Variants in PKD1 observed in about 807,000 individuals in gnomAD.
The protein encoded by PKD1 is polycystin 1, transient receptor potential channel interacting.
A neutral mutation model predicts 361.7 loss-of-function variants in PKD1; 81 were observed. The observed-to-expected ratio is 0.22, with a 90% confidence interval of 0.19 to 0.27. PKD1 has a LOEUF of 0.27. Ranked by LOEUF, PKD1 falls within the 10% of genes least tolerant of loss-of-function variation. PKD1 has a pLI of 1.00. For missense variants in PKD1, 6,399 were observed against 6,118.3 expected (o/e 1.05, Z -1.53); for synonymous variants, 3,615 against 2,818.3 (o/e 1.28, Z -8.95).
rs371089599 is a variant in PKD1, at chr16:2,097,130, C to T, written c.10499+18G>A. Reference sequence around the variant, plus strand: ...CCTCCTCTGGCAATCCCCCCTCCCCCGAGAGCCGGACACTCACAGGCTGCT... The same window carrying T: ...CCTCCTCTGGCAATCCCCCCTCCCCTGAGAGCCGGACACTCACAGGCTGCT... On this transcript the variant is annotated intron_variant, in intron 34 of 45. Coordinates refer to ENST00000262304, the MANE Select transcript of PKD1 (RefSeq NM_001009944.3). The T allele has an allele frequency of 5.3e-5, 81 of 1,542,216 alleles. 1 individual carries two copies. The African/African-American group carries it at 7.5e-4, about 14-fold the overall frequency.
Position 2,097,362 on chromosome 16 carries a change from G to C in PKD1, c.10362C>G (p.Ser3454=), listed in dbSNP as rs1182148778. The C allele has an allele frequency of 6.2e-7, 1 of 1,612,200 alleles. No homozygotes were observed. The highest frequency in any genetic ancestry group is 8.5e-7 in the Non-Finnish European group (1 of 1,179,958). ...TGGCAGGCGAGTAGGGGCTGGCCAG[G>C]GAGAAGCCGTCCTCCTCTGGGCCCA... ...HGLGPEEDGF[S]LASPYSPAKS... Residue 3454 remains serine (S), a synonymous_variant, in exon 33 of 46, where the codon TCC becomes TCG. Transcript: ENST00000262304.
rs748442072 is a variant in PKD1, at chr16:2,100,172, C to T, written c.9706G>A (p.Ala3236Thr). The change falls in exon 28 of 46, where the codon GCC (alanine) becomes ACC (threonine). Residue 3236 changes from alanine (A) to threonine (T), a missense_variant. Ala to Thr is a moderately conservative substitution (Grantham distance 58, BLOSUM62 0). Coordinates refer to ENST00000262304, the MANE Select transcript of PKD1 (RefSeq NM_001009944.3). This position sits in a 1 kb window ranked among gnomAD's most constrained non-coding sequence, Gnocchi z 4.4. ...NGGLVEKEVLAASDAALLRFR... is the reference protein window; with the variant it reads ...NGGLVEKEVLTASDAALLRFR... ...ACATGGAACGAGGCCTTACTCGCGG[C>T]CAGCACCTCCTTCTCCACCAGGCCC... is the stretch of plus-strand genomic sequence containing the variant. 1 of 1,608,788 alleles carries T rather than the reference C, an allele frequency of 6.2e-7. No homozygotes were observed. Among genetic ancestry groups the T allele is most frequent in the Non-Finnish European group, 8.5e-7 (1 of 1,178,218 alleles).
At chr16:2,126,788 A>G (rs574925663) in intron 1 of PKD1, among the ~76,000 whole-genome samples, 1 of 152,266 alleles carries the variant, frequency 6.6e-6, no homozygotes, top group Non-Finnish European at 1.5e-5. Flanking sequence ...CTTGCTGGAA[A>G]GCAGATCCCA....
Position 2,094,012 on chromosome 16 carries a change from T to C in PKD1, c.10620A>G (p.Gly3540=). The part of the protein sequence containing the change: ...QPQAARLSRT[G]LVEGLRKRLL... ...GGCGCTTCCGCAGACCCTCCACCAG[T>C]CCTGGGGAAGCAGAGACAGACCTGT... Residue 3540 remains glycine, a splice_region_variant and synonymous_variant, in exon 36 of 46, where the codon GGA becomes GGG. Coordinates refer to ENST00000262304, the MANE Select transcript of PKD1 (RefSeq NM_001009944.3). The C allele has an allele frequency of 1.3e-6, 2 of 1,590,384 alleles. No homozygotes were observed. Among genetic ancestry groups the C allele is most frequent in the South Asian group, 1.1e-5 (1 of 88,192 alleles).
rs1315416272 is a variant in PKD1, at chr16:2,102,103, T to C, written c.9355A>G (p.Lys3119Glu). 6.4e-7 allele frequency: 1 copy of C among 1,568,656 alleles called. No individual in the cohort carries two copies. The highest frequency in any genetic ancestry group is 8.7e-7 in the Non-Finnish European group (1 of 1,151,230). Reference protein sequence around the residue: ...IPFCGQRGRFKYEILVKTGWG... With the variant: ...IPFCGQRGRFEYEILVKTGWG... ...CCTGTCTTGACGAGGATCTCGTACT[T>C]GAAGCGGCCCCGCTGCCCACAGAAA... The change falls in exon 26 of 46, where the codon AAG becomes GAG. Residue 3119 changes from lysine (K) to glutamate (E), a missense_variant. Coordinates refer to ENST00000262304, the MANE Select transcript of PKD1 (RefSeq NM_001009944.3).
At position 2,108,786 on chromosome 16, in the gene PKD1, G is replaced by A. The variant is rs1159978503; in HGVS notation, c.6381C>T (p.Ser2127=). 1 of 1,570,854 alleles carries A rather than the reference G, an allele frequency of 6.4e-7. No individual in the cohort carries two copies. The highest frequency in any genetic ancestry group is 1.2e-5 in the South Asian group (1 of 86,192). The change falls in exon 15 of 46, where the codon TCC becomes TCT. Residue 2127 remains serine (S), a synonymous_variant. Coordinates refer to ENST00000262304, the MANE Select transcript of PKD1 (RefSeq NM_001009944.3). The part of the protein sequence containing the change: ...PGDYRVQVNA[S]NLVSFFVAQA... ...GCGCCACGAAGAAGCTCACCAGGTTGGAGGCGTTCACCTGCACGCGGTAGT... is the reference window on the plus strand; with the variant it reads ...GCGCCACGAAGAAGCTCACCAGGTTAGAGGCGTTCACCTGCACGCGGTAGT...
chr16:2,126,618 C>T (rs550557270), intron 1 of PKD1, among the ~76,000 whole-genome samples: 31 of 152,402 alleles, frequency 2.0e-4, no homozygotes, highest in East Asian at 1.2e-3. Context: ...TGCCCGCAGA[C>T]GTGCCCGGCC....
rs2092269624 is a variant in PKD1 at position 2,104,772 on chromosome 16, C to G, written c.8017-130G>C. On this transcript the variant is annotated intron_variant, in intron 21 of 45. Coordinates refer to ENST00000262304, the MANE Select transcript of PKD1 (RefSeq NM_001009944.3). ...CTGGAGAGCCCACTTGACTGGACCC[C>G]CACAGCCTCCTCACTAAGCATTTTC... The G allele has an allele frequency of 1.3e-5, 10 of 784,610 alleles. No homozygotes were observed. The South Asian group carries it at 1.5e-4, about 12-fold the overall frequency. 48.6% of individuals were successfully genotyped at this position (784,610 alleles called of 1,614,324 possible). A position where few individuals can be genotyped will look rare whatever the true frequency, so the allele number is the denominator to read the frequency against.
rs573403545 is a variant in PKD1, at chr16:2,131,946, C to T, written c.215+3529G>A. On this transcript the variant is annotated intron_variant, in intron 1 of 45. Coordinates refer to ENST00000262304, the MANE Select transcript of PKD1 (RefSeq NM_001009944.3). ...AGTCCTACTGCTTTGCTTGACCAGCCTTAAAGACACACATATATTTTTGTC... is the reference window on the plus strand; with the variant it reads ...AGTCCTACTGCTTTGCTTGACCAGCTTTAAAGACACACATATATTTTTGTC... The T allele has an allele frequency of 2.0e-5, 3 of 152,210 alleles. No individual in the cohort carries two copies. In the East Asian group the frequency reaches 5.8e-4, roughly 30 times the overall value. The allele number at this position is 152,210 out of a possible 1,614,324, so 9.4% of individuals were successfully genotyped here.
In PKD1 at chr16:2,097,313, G is replaced by C; in HGVS notation, c.10405+6C>G. The C allele has an allele frequency of 6.2e-7, 1 of 1,612,706 alleles. No individual in the cohort carries two copies. ...TTCAGAGCCCCCTCCTCTCACCCCA[G>C]CTCACCTGATGCTGAGAAGGATTTG... On this transcript the variant is annotated splice_donor_region_variant and intron_variant, in intron 33 of 45. Coordinates refer to ENST00000262304, the MANE Select transcript of PKD1 (RefSeq NM_001009944.3).
Position 2,105,876 on chromosome 16 carries a change from C to A in PKD1, c.7852G>T (p.Val2618Leu). ...CAGGCTGCACTCACCTCGTTCAGCACGGTGACCAGGGCCAACGAGTACTCG... is the reference window on the plus strand; with the variant it reads ...CAGGCTGCACTCACCTCGTTCAGCAAGGTGACCAGGGCCAACGAGTACTCG... ...VIEYSLALVT[V>L]LNEYERALDV... Residue 2618 changes from valine to leucine, a missense_variant, in exon 20 of 46, where the codon GTG becomes TTG. Coordinates refer to ENST00000262304, the MANE Select transcript of PKD1 (RefSeq NM_001009944.3). The A allele has an allele frequency of 6.3e-7, 1 of 1,596,122 alleles. No individual in the cohort carries two copies. Among genetic ancestry groups the A allele is most frequent in the Non-Finnish European group, 8.5e-7 (1 of 1,179,596 alleles).
rs115538130 is a variant in PKD1 at position 2,090,179 on chromosome 16, G to T, written c.12460C>A (p.Arg4154Ser). The change falls in exon 46 of 46, where the codon CGC (arginine) becomes AGC (serine). Residue 4154 changes from arginine (R) to serine (S), a missense_variant. By Grantham distance (110) the Arg-to-Ser change is moderately radical. Coordinates refer to ENST00000262304, the MANE Select transcript of PKD1 (RefSeq NM_001009944.3). ...SKVKEFRHKV[R>S]FEGMEPLPSR... Reference sequence around the variant, plus strand: ...GGCAGCGGCTCCATCCCTTCAAAGCGGACTTTGTGGCGGAACTGGGGGCGG... The same window carrying T: ...GGCAGCGGCTCCATCCCTTCAAAGCTGACTTTGTGGCGGAACTGGGGGCGG... 4 of 1,602,748 alleles carry T rather than the reference G, an allele frequency of 2.5e-6. No homozygotes were observed. The highest frequency in any genetic ancestry group is 1.1e-5 in the South Asian group (1 of 90,182).
At chr16:2,094,841 C>A (rs1025982832) in intron 34 of PKD1, 1 of 153,790 alleles carries the variant, frequency 6.5e-6, no homozygotes, top group Non-Finnish European at 1.4e-5. Flanking sequence ...GAGGACGAGA[C>A]CAACTGCGAG....
intron 21 of PKD1, among the ~76,000 whole-genome samples, chr16:2,105,096 C>G (rs559902216): frequency 8.7e-4 from 119 of 136,424 alleles, no homozygotes; most frequent in African/African-American, 1.3e-3. Flanking sequence ...CTCCCCACAT[C>G]TGGGCCCCTC....
Position 2,118,026 on chromosome 16 carries a change from C to A in PKD1, c.966G>T (p.Ser322=). ...AGCGCCCAGGCAGCACATAGCGATG[C>A]GAGGCAGCCGGCCCAGCGGCATCCA... ...AEVDAAGPAA[S]HRYVLPGRYH... Residue 322 remains serine, a synonymous_variant, in exon 5 of 46, where the codon TCG becomes TCT. Transcript: ENST00000262304. This position sits in a 1 kb window ranked among gnomAD's most constrained non-coding sequence, Gnocchi z 6.0. The A allele has an allele frequency of 1.9e-6, 3 of 1,598,240 alleles. No homozygotes were observed. Among genetic ancestry groups the A allele is most frequent in the Non-Finnish European group, 2.5e-6 (3 of 1,177,444 alleles).
Position 2,090,741 on chromosome 16 carries a change from G to C in PKD1, c.12071C>G (p.Pro4024Arg), listed in dbSNP as rs747786962. 1 of 1,612,652 alleles carries C rather than the reference G, an allele frequency of 6.2e-7. No individual in the cohort carries two copies. The highest frequency in any genetic ancestry group is 2.2e-5 in the East Asian group (1 of 44,868). Residue 4024 changes from proline (P) to arginine (R), a missense_variant, in exon 44 of 46, where the codon CCA (proline) becomes CGA (arginine). Pro to Arg is a moderately radical substitution (Grantham distance 103). Coordinates refer to ENST00000262304, the MANE Select transcript of PKD1 (RefSeq NM_001009944.3). The stretch of plus-strand genomic sequence containing the variant: ...GCCCAAGGTGACCCCCAGGAGCTCT[G>C]GCAGAGCTCGGCATAATGTCTTGCC... ...VFGKTLCRAL[P>R]ELLGVTLGLV...
intron 26 of PKD1, among the ~76,000 whole-genome samples, chr16:2,101,565 C>A (rs1320069483): frequency 6.6e-6 from 1 of 152,162 alleles, no homozygotes; most frequent in Non-Finnish European, 1.5e-5. Context: ...TTGCTGTGAG[C>A]CAAGATCATG....
rs1004981803 is a variant in PKD1, at chr16:2,114,931, G to A, written c.2098-6C>T. 6.1e-5 allele frequency: 94 copies of A among 1,530,272 alleles called. No individual in the cohort carries two copies. Among genetic ancestry groups the A allele is most frequent in the Non-Finnish European group, 7.4e-5 (85 of 1,142,540 alleles). The allele number at this position is 1,530,272 out of a possible 1,614,324, so 94.8% of individuals were successfully genotyped here. A position where few individuals can be genotyped will look rare whatever the true frequency, so the allele number is the denominator to read the frequency against. On this transcript the variant is annotated splice_polypyrimidine_tract_variant and splice_region_variant and intron_variant, in intron 10 of 45. Transcript: ENST00000262304. Reference sequence around the variant, plus strand: ...TCCTGGCCGTGGAGGGTGACCTGTGGAGAGGGAGGCAGGGCTGCATCACGT... The same window carrying A: ...TCCTGGCCGTGGAGGGTGACCTGTGAAGAGGGAGGCAGGGCTGCATCACGT...
intron 30 of PKD1, chr16:2,099,321 G>C (rs1377217491): frequency 5.1e-6 from 2 of 391,276 alleles, no homozygotes; most frequent in African/African-American, 4.2e-5. Flanking sequence ...TAGATGTACT[G>C]AGATTTTCTT....
Sources: gnomAD v4.1 joint callset for allele counts (sites outside exome capture counted in the v4.1 genomes callset) on GRCh38, gnomAD v4.1.1 for gene constraint, Gnocchi (gnomAD v3.1) non-coding constraint, MANE v1.5 for transcripts, NCBI Gene and HGNC (gene_info 2026-07-23, HGNC 2026-07-21) for gene names.